Variants in DCPH1 observed in about 807,000 individuals in gnomAD.
DCPH1 encodes the protein damage control phosphatase 1, also known as damage-control phosphatase 1.
the DCPH1 span, chr6:151,452,642 C>T: frequency 1.3e-6 from 2 of 1,547,700 alleles, no homozygotes; most frequent in Non-Finnish European, 8.8e-7. Context: ...TCGCCGGGAG[C>T]CTGTGGGGAC....
chr6:151,468,569 A>T, the DCPH1 span: 1 of 1,614,110 alleles, frequency 6.2e-7, no homozygotes, highest in African/African-American at 1.3e-5. Context: ...CTTGTTACAG[A>T]TTTAATATTA....
the DCPH1 span, among the ~76,000 whole-genome samples, chr6:151,454,966 T>G: frequency 6.6e-6 from 1 of 152,342 alleles, no homozygotes; most frequent in African/African-American, 2.4e-5. Flanking sequence ...GCAATTGAGT[T>G]GCTTAGAAGA....
At chr6:151,460,754 A>G in the DCPH1 span, among the ~76,000 whole-genome samples, 4 of 151,860 alleles carry the variant, frequency 2.6e-5, no homozygotes, top group Non-Finnish European at 5.9e-5. Flanking sequence ...ACTGCACTCC[A>G]GCCTGGGTGA....
chr6:151,452,490 C>G, the DCPH1 span: 7 of 1,599,210 alleles, frequency 4.4e-6, no homozygotes, highest in Non-Finnish European at 6.0e-6. Flanking sequence ...GCGGTACCGC[C>G]TCTGTTTCTG....
chr6:151,456,678 G>T, the DCPH1 span, among the ~76,000 whole-genome samples: 1 of 152,068 alleles, frequency 6.6e-6, no homozygotes, highest in African/African-American at 2.4e-5. Flanking sequence ...TTGAGACAGG[G>T]TCTTGTTCTG....
At chr6:151,455,151 T>C in the DCPH1 span, among the ~76,000 whole-genome samples, 1 of 151,086 alleles carries the variant, frequency 6.6e-6, no homozygotes. Flanking sequence ...AATAGGACTT[T>C]AGAAATCACT....
At chr6:151,458,081 G>A in the DCPH1 span, among the ~76,000 whole-genome samples, 4 of 152,044 alleles carry the variant, frequency 2.6e-5, no homozygotes, top group Non-Finnish European at 5.9e-5. Flanking sequence ...TCCCTCTGTG[G>A]TAATGGTCAT....
the DCPH1 span, chr6:151,464,735 G>A: frequency 1.5e-6 from 1 of 659,256 alleles, no homozygotes; most frequent in Non-Finnish European, 2.3e-6. Flanking sequence ...TTTTTATCTA[G>A]TGGTGTTAAA....
chr6:151,462,657 A>C, the DCPH1 span, among the ~76,000 whole-genome samples: 2 of 152,138 alleles, frequency 1.3e-5, no homozygotes, highest in African/African-American at 4.8e-5. Flanking sequence ...TTTTTTGCTG[A>C]ACATATGTAT....
chr6:151,463,349 T>TA, the DCPH1 span, among the ~76,000 whole-genome samples: 15 of 151,760 alleles, frequency 9.9e-5, no homozygotes, highest in East Asian at 1.7e-3. Flanking sequence ...CATTTTTGAT[T>TA]AAAAAAAAAG....
chr6:151,457,138 C>T, the DCPH1 span, among the ~76,000 whole-genome samples: 13,092 of 152,174 alleles, frequency 0.086, 782 homozygotes, highest in African/African-American at 0.15. Flanking sequence ...GGCTTATCTC[C>T]GAAGGAGCCA....
chr6:151,457,876 A>G, the DCPH1 span, among the ~76,000 whole-genome samples: 1 of 152,074 alleles, frequency 6.6e-6, no homozygotes, highest in Non-Finnish European at 1.5e-5. Context: ...ATGTGAGATA[A>G]TATTGTAGTG....
At chr6:151,454,492 C>A in the DCPH1 span, 5 of 812,304 alleles carry the variant, frequency 6.2e-6, 1 homozygote, top group South Asian at 4.4e-5. Flanking sequence ...TAAAAGATAG[C>A]CAGTCTTCTA....
chr6:151,452,666 C>G, the DCPH1 span: 2 of 1,393,566 alleles, frequency 1.4e-6, no homozygotes. Context: ...GCGGAGGGCG[C>G]CCGCTCCCCG....
At chr6:151,468,733 G>A in the DCPH1 span, 183,016 of 1,613,708 alleles carry the variant, frequency 0.11, 10,988 homozygotes, top group Middle Eastern at 0.18. Flanking sequence ...CAAGTGTGGG[G>A]CTGACTGGGA....
At chr6:151,464,301 G>T in the DCPH1 span, 3 of 509,754 alleles carry the variant, frequency 5.9e-6, no homozygotes, top group South Asian at 2.9e-5. Flanking sequence ...TGATTATTTA[G>T]TATTAAGTTT....
At chr6:151,464,495 G>T in the DCPH1 span, 1 of 1,609,960 alleles carries the variant, frequency 6.2e-7, no homozygotes, top group East Asian at 2.2e-5. Flanking sequence ...AATCAAAAGA[G>T]CAAAATTTCT....
chr6:151,458,829 TAA>T, the DCPH1 span, among the ~76,000 whole-genome samples: 1 of 152,142 alleles, frequency 6.6e-6, no homozygotes, highest in African/African-American at 2.4e-5. Flanking sequence ...AGAATAGACA[TAA>T]GAGTAAATAT....
At chr6:151,452,518 A>G in the DCPH1 span, 10 of 1,610,328 alleles carry the variant, frequency 6.2e-6, no homozygotes, top group Non-Finnish European at 7.6e-6. Flanking sequence ...TGAACAGCCG[A>G]GCTTTGCGGC....
Sources: gnomAD v4.1 joint callset for allele counts (sites outside exome capture counted in the v4.1 genomes callset) on GRCh38, gnomAD v4.1.1 for gene constraint, MANE v1.5 for transcripts, NCBI Gene and HGNC (gene_info 2026-07-23, HGNC 2026-07-21) for gene names.